The following ADA2 variants were observed in gnomAD, a reference collection of about 807,000 sequenced individuals.
ADA2 encodes the protein adenosine deaminase 2.
A neutral mutation model predicts 44.2 loss-of-function variants in ADA2; 29 were observed. The ratio of observed to expected loss-of-function variants is 0.66; its 90% CI spans 0.49 to 0.89. The LOEUF is 0.89. Ranked by LOEUF, ADA2 falls within the 40% of genes least tolerant of loss-of-function variation. The probability of loss-of-function intolerance (pLI) is 0.00; values close to 1 mark genes in which losing one functional copy is unlikely to be tolerated. For synonymous variants in ADA2, 215 were observed against 234.9 expected, an observed-to-expected ratio of 0.92 and a Z score of 0.77; for missense variants, 637 against 644.8, an observed-to-expected ratio of 0.99 and a Z score of 0.13.
At chr22:17,188,288 G>T in intron 7 of ADA2, 51 bp downstream of exon 7, 1 of 1,348,224 alleles carries the variant, frequency 7.4e-7, no homozygotes, top group Non-Finnish European at 1.1e-6. Flanking sequence ...GTGGCCAGGA[G>T]CTCTCCCATT....
At chr22:17,212,967 T>TTTC (rs2062433459) in intron 1 of ADA2, among the ~76,000 whole-genome samples, 1 of 150,936 alleles carries the variant, frequency 6.6e-6, no homozygotes. Flanking sequence ...TTTTTTTTTT[T>TTTC]TCTTTAGAGA....
chr22:17,189,912 G>A (rs1326931318), intron 6 of ADA2, 30 bp downstream of exon 6: 2 of 1,532,832 alleles, frequency 1.3e-6, no homozygotes, highest in African/African-American at 1.4e-5. Context: ...CCCCTTAACA[G>A]GCAGCCCTTC....
intron 4 of ADA2, among the ~76,000 whole-genome samples, chr22:17,193,965 A>G (rs1335057553): frequency 6.7e-6 from 1 of 149,344 alleles, no homozygotes; most frequent in African/African-American, 2.5e-5. Flanking sequence ...ACTTGAGCCC[A>G]GGAGGTCAAG....
chr22:17,213,499 C>T lies in ADA2; in HGVS notation c.-46-3776G>A, dbSNP rs766444277. On this transcript the variant is annotated intron_variant, in intron 1 of 9. Coordinates refer to ENST00000399837, the MANE Select transcript of ADA2 (RefSeq NM_001282225.2). The stretch of plus-strand genomic sequence containing the variant: ...GTGGCAAGTCCATCTACCGAAGCAC[C>T]GGGGAGTGTCGTGGATGCCTACGAG... 3 of 239,518 alleles carry T rather than the reference C, an allele frequency of 1.3e-5. No homozygotes were observed. The South Asian group carries it at 1.4e-4, about 11-fold the overall frequency. The allele number at this position is 239,518 out of a possible 1,614,324, so 14.8% of individuals were successfully genotyped here.
chr22:17,210,433 G>T (rs1161960868), intron 1 of ADA2, among the ~76,000 whole-genome samples: 1 of 151,496 alleles, frequency 6.6e-6, no homozygotes, highest in Non-Finnish European at 1.5e-5. Flanking sequence ...CAGGTGATCC[G>T]CCAGCCTCAG....
At chr22:17,217,359 A>G (rs1203656275) in intron 1 of ADA2, among the ~76,000 whole-genome samples, 1 of 152,192 alleles carries the variant, frequency 6.6e-6, no homozygotes, top group African/African-American at 2.4e-5. Flanking sequence ...GGCCACACCA[A>G]GGTACAGCAT....
At position 17,190,026 on chromosome 22, in the gene ADA2, T is replaced by A; in HGVS notation, c.888A>T (p.Lys296Asn). The A allele has an allele frequency of 6.2e-7, 1 of 1,612,928 alleles. No individual in the cohort carries two copies. The highest frequency in any genetic ancestry group is 8.5e-7 in the Non-Finnish European group (1 of 1,178,952). ...TGGATTCTGCGATGACAGCCACATC[T>A]TTGGATCTGTGAGACAGACAGAGAA... ...IKIIYSDHRS[K>N]DVAVIAESIR... The change falls in exon 6 of 10, where the codon AAA (lysine) becomes AAT (asparagine). Residue 296 changes from lysine to asparagine, a missense_variant. Coordinates refer to ENST00000399837, the MANE Select transcript of ADA2 (RefSeq NM_001282225.2).
upstream of ADA2, chr22:17,219,678 T>TG (rs1210173607): frequency 2.9e-5 from 4 of 139,912 alleles, no homozygotes; most frequent in African/African-American, 8.0e-5. Context: ...TTTTTTTTTT[T>TG]TTTTTTTTTT....
chr22:17,221,165 C>CA (rs1276383818), upstream of ADA2, among the ~76,000 whole-genome samples: 1 of 150,870 alleles, frequency 6.6e-6, no homozygotes, highest in Non-Finnish European at 1.5e-5. Flanking sequence ...AAGAGTTTAA[C>CA]ACTAATTTTT....
rs1348551447 is a variant in ADA2, at chr22:17,181,479, C to A, written c.*4G>T. The stretch of plus-strand genomic sequence containing the variant: ...CAGCTTGTAGAGGGCTGGCTAGCTT[C>A]TCCTCACTTTGTAGCCACATCTGCT... On this transcript the variant is annotated 3_prime_UTR_variant, in exon 10 of 10. Coordinates refer to ENST00000399837, the MANE Select transcript of ADA2 (RefSeq NM_001282225.2). 1 of 1,596,546 alleles carries A rather than the reference C, an allele frequency of 6.3e-7. No individual in the cohort carries two copies.
At chr22:17,212,106 C>T (rs945508197) in intron 1 of ADA2, among the ~76,000 whole-genome samples, 9 of 151,772 alleles carry the variant, frequency 5.9e-5, no homozygotes, top group African/African-American at 2.2e-4. Context: ...CTCACCGTAA[C>T]CTCCTCCTCC....
At position 17,203,607 on chromosome 22, in the gene ADA2, C is replaced by T. The variant is rs770566597; in HGVS notation, c.709G>A (p.Glu237Lys). The change falls in exon 4 of 10, where the codon GAG becomes AAG. Residue 237 changes from glutamate to lysine, a missense_variant. By Grantham distance (56) the Glu-to-Lys change is moderately conservative (BLOSUM62 1). Coordinates refer to ENST00000399837, the MANE Select transcript of ADA2 (RefSeq NM_001282225.2). ...ATCTCCATGTAGAGCACGTTGTCCT[C>T]GTAGAACTCCTGCATGCTCCGGAAG... is the stretch of plus-strand genomic sequence containing the variant. The part of the protein sequence containing the change: ...YVFRSMQEFY[E>K]DNVLYMEIRA... 4.3e-6 allele frequency: 7 copies of T among 1,613,330 alleles called. No individual in the cohort carries two copies. Among genetic ancestry groups the T allele is most frequent in the South Asian group, 3.3e-5 (3 of 91,054 alleles).
At chr22:17,192,998 C>A (rs1348143312) in intron 4 of ADA2, 1 of 635,758 alleles carries the variant, frequency 1.6e-6, no homozygotes, top group Admixed American at 2.2e-5. Flanking sequence ...TCAAAATTAA[C>A]CGTAACTGGC....
chr22:17,200,658 G>A (rs1306110950), intron 4 of ADA2, among the ~76,000 whole-genome samples: 4 of 152,068 alleles, frequency 2.6e-5, no homozygotes, highest in Non-Finnish European at 5.9e-5. Flanking sequence ...GAGGTGGGTG[G>A]ATCACCTGAG....
chr22:17,207,466 A>T (rs1224015416), intron 2 of ADA2, among the ~76,000 whole-genome samples, 176 bp from the exon 3 acceptor site: 1 of 152,054 alleles, frequency 6.6e-6, no homozygotes, highest in East Asian at 1.9e-4. Flanking sequence ...GTGAAGTCCC[A>T]TCCCAGGGCT....
chr22:17,196,861 T>C (rs1262068434), intron 4 of ADA2, among the ~76,000 whole-genome samples: 1 of 152,142 alleles, frequency 6.6e-6, no homozygotes, highest in Non-Finnish European at 1.5e-5. Context: ...TATTAACAAA[T>C]GACAACTCTG....
intron 7 of ADA2, 45 bp downstream of exon 7, chr22:17,188,294 C>T (rs918915237): frequency 1.4e-6 from 2 of 1,430,226 alleles, no homozygotes; most frequent in African/African-American, 1.4e-5. Context: ...AGGAGCTCTC[C>T]CATTGACCAC....
chr22:17,200,613 G>C (rs945503867), intron 4 of ADA2, among the ~76,000 whole-genome samples: 1 of 152,142 alleles, frequency 6.6e-6, no homozygotes, highest in South Asian at 2.1e-4. Flanking sequence ...CTAAGGAAAA[G>C]GCCGGGCATG....
intron 2 of ADA2, among the ~76,000 whole-genome samples, chr22:17,208,133 G>GA (rs911659991): frequency 1.5e-4 from 22 of 150,554 alleles, no homozygotes; most frequent in Admixed American, 1.2e-3. Flanking sequence ...AACATTAAAA[G>GA]AAAAAAAAAC....
Sources: allele counts gnomAD v4.1 joint callset (sites outside exome capture counted in the v4.1 genomes callset), GRCh38; gene constraint gnomAD v4.1.1; transcripts MANE v1.5; gene names NCBI Gene and HGNC (gene_info 2026-07-23, HGNC 2026-07-21).